CHD7: variants seen among roughly 807,000 people sequenced by gnomAD.
CHD7 encodes ATP-dependent chromatin remodeler CHD7.
CHD7 carries 24 observed loss-of-function variants against 307.3 expected under a neutral mutation model. The ratio of observed to expected loss-of-function variants is 0.08; its 90% CI spans 0.06 to 0.11. The LOEUF (loss-of-function observed/expected upper bound fraction) is 0.11, where lower values mean the gene tolerates loss of function less well. Ranked by LOEUF, CHD7 falls within the 10% of genes least tolerant of loss-of-function variation. The probability of loss-of-function intolerance (pLI) is 1.00; values close to 1 mark genes in which losing one functional copy is unlikely to be tolerated. For synonymous variants in CHD7, 1,363 were observed against 1,349.9 expected (o/e 1.01, Z -0.21); for missense variants, 3,106 against 3,727.1 (o/e 0.83, Z 4.34).
intron 1 of CHD7, among the ~76,000 whole-genome samples, chr8:60,717,097 C>T (rs978658780): frequency 1.3e-5 from 2 of 149,014 alleles, no homozygotes; most frequent in Non-Finnish European, 3.0e-5. Flanking sequence ...CAGGTCATTG[C>T]ATCTGGGTAC....
At chr8:60,751,091 G>C (rs894115798) in intron 2 of CHD7, among the ~76,000 whole-genome samples, 7 of 152,262 alleles carry the variant, frequency 4.6e-5, no homozygotes, top group Middle Eastern at 3.4e-3. Context: ...TGTCCTGTGG[G>C]AAAAAATAGC....
At chr8:60,680,049 C>G (rs1010911216) in intron 1 of CHD7, among the ~76,000 whole-genome samples, 1 of 151,684 alleles carries the variant, frequency 6.6e-6, no homozygotes, top group African/African-American at 2.4e-5. Context: ...GGGCCGCCGG[C>G]GGCGGCAGCT....
chr8:60,850,534 T>A lies in CHD7; in HGVS notation c.5446T>A (p.Cys1816Ser), dbSNP rs1563657431. The change falls in exon 26 of 38, where the codon TGC becomes AGC. Residue 1816 changes from cysteine (C) to serine (S), a missense_variant. By Grantham distance (112) the Cys-to-Ser change is moderately radical (BLOSUM62 -1). Coordinates refer to ENST00000423902, the MANE Select transcript of CHD7 (RefSeq NM_017780.4). ...CTCCATGCGAGCTGACCCCGCGCTG[T>A]GCTTTCTGGAACGAGTCGGTATGCC... ...YNSMRADPAL[C>S]FLERVGMPDA... 1.2e-6 allele frequency: 2 copies of A among 1,613,588 alleles called. No homozygotes were observed. Among genetic ancestry groups the A allele is most frequent in the Non-Finnish European group, 1.7e-6 (2 of 1,179,780 alleles).
chr8:60,797,482 A>G (rs1812087011), intron 4 of CHD7, among the ~76,000 whole-genome samples: 1 of 152,212 alleles, frequency 6.6e-6, no homozygotes, highest in Non-Finnish European at 1.5e-5. Flanking sequence ...ATTGTACTGG[A>G]TGGAACCCTT....
chr8:60,741,948 G>A lies in CHD7; in HGVS notation c.516G>A (p.Pro172=), dbSNP rs377332156. 8 of 1,613,520 alleles carry A rather than the reference G, an allele frequency of 5.0e-6. 1 individual carries two copies. The East Asian group carries it at 6.7e-5, about 13-fold the overall frequency. Residue 172 remains proline, a synonymous_variant, in exon 2 of 38, where the codon CCG becomes CCA. Transcript: ENST00000423902. ...AGCCACAGCCGCAGCCACCGCAGCC[G>A]GCTCCGTCGGGGCCCCCTGCACAGG... The part of the protein sequence containing the change: ...QQQPQPQPPQ[P]APSGPPAQGH...
intron 2 of CHD7, among the ~76,000 whole-genome samples, chr8:60,771,140 A>C (rs1274640680): frequency 1.3e-5 from 2 of 152,246 alleles, no homozygotes; most frequent in South Asian, 4.1e-4. Context: ...CAAAGGCTTA[A>C]TGAAGGAAGT....
chr8:60,827,821 G>T (rs1055549365), intron 13 of CHD7, among the ~76,000 whole-genome samples: 3 of 151,704 alleles, frequency 2.0e-5, no homozygotes, highest in Non-Finnish European at 4.4e-5. Context: ...TCCAAATTAA[G>T]TCAGAATATT....
At chr8:60,861,862 C>T (rs542818689) in intron 35 of CHD7, 28 of 187,768 alleles carry the variant, frequency 1.5e-4, no homozygotes, top group Non-Finnish European at 2.5e-4. Context: ...TCTCTGTGTT[C>T]ATTGGAGCCA....
At position 60,698,836 on chromosome 8, in the gene CHD7, G is replaced by A. The variant is rs1375347216; in HGVS notation, c.-175+19754G>A. On this transcript the variant is annotated intron_variant, in intron 1 of 37. Transcript: ENST00000423902. Reference sequence around the variant, plus strand: ...GGGTCTTGGTCTGTCACCCAGGCTGGAGTGCAGTGGCACAGTCACAGTTCA... The same window carrying A: ...GGGTCTTGGTCTGTCACCCAGGCTGAAGTGCAGTGGCACAGTCACAGTTCA... Among the ~76,000 whole-genome samples, 3 of 152,056 alleles carry A rather than the reference G, an allele frequency of 2.0e-5. No homozygotes were observed. In the South Asian group the frequency reaches 6.2e-4, roughly 32 times the overall value.
intron 1 of CHD7, among the ~76,000 whole-genome samples, chr8:60,694,997 G>T (rs1251168347): frequency 1.3e-5 from 2 of 152,216 alleles, no homozygotes; most frequent in African/African-American, 4.8e-5. Context: ...CAACCAGGAG[G>T]TGGTAGAGCT....
At chr8:60,858,248 T>G (rs1482255187) in intron 34 of CHD7, among the ~76,000 whole-genome samples, 1 of 151,172 alleles carries the variant, frequency 6.6e-6, no homozygotes, top group African/African-American at 2.5e-5. Flanking sequence ...AGAGTGAGAC[T>G]CTGTCTCAAA....
intron 3 of CHD7, among the ~76,000 whole-genome samples, chr8:60,784,821 CA>C: frequency 1.3e-5 from 2 of 152,228 alleles, no homozygotes; most frequent in South Asian, 4.1e-4. Flanking sequence ...TGTTCAGCAT[CA>C]CAGAAAAAGA....
rs1806166707 is a variant in CHD7 at position 60,864,842 on chromosome 8, CATA to C, written c.8077-166_8077-164del. 5.9e-6 allele frequency: 4 copies of C among 676,780 alleles called. No homozygotes were observed. In the Admixed American group the frequency reaches 1.2e-4, roughly 20 times the overall value. 41.9% of individuals were successfully genotyped at this position (676,780 alleles called of 1,614,324 possible). A position where few individuals can be genotyped will look rare whatever the true frequency, so the allele number is the denominator to read the frequency against. ...ATTTTTCTGCAGTTCAGCAAGCTAA[CATA>C]ATAATAAAAACAAGTTTTGCTGTCA... On this transcript the variant is annotated intron_variant, in intron 37 of 37. Transcript: ENST00000423902.
At chr8:60,706,684 A>T (rs1807036866) in intron 1 of CHD7, among the ~76,000 whole-genome samples, 1 of 152,178 alleles carries the variant, frequency 6.6e-6, no homozygotes, top group South Asian at 2.1e-4. Context: ...TGATTTGGTG[A>T]TTTAAGAAGT....
intron 1 of CHD7, among the ~76,000 whole-genome samples, chr8:60,687,942 G>A (rs574373558): frequency 2.6e-5 from 4 of 152,196 alleles, no homozygotes; most frequent in African/African-American, 4.8e-5. Context: ...CATTGTTGCC[G>A]TCTTAATAGA....
intron 32 of CHD7, among the ~76,000 whole-genome samples, chr8:60,854,856 A>AT (rs1264768990): frequency 6.6e-6 from 1 of 152,150 alleles, no homozygotes; most frequent in Non-Finnish European, 1.5e-5. Context: ...GTGTTTTAAA[A>AT]TTTTTTTGTG....
At chr8:60,795,238 T>C in intron 4 of CHD7, 111 bp downstream of exon 4, 2 of 1,029,034 alleles carry the variant, frequency 1.9e-6, no homozygotes, top group Non-Finnish European at 2.8e-6. Context: ...GCTCTTGAGA[T>C]GTCTTTATTG....
intron 2 of CHD7, among the ~76,000 whole-genome samples, chr8:60,762,185 C>G (rs1245888577): frequency 6.6e-6 from 1 of 152,156 alleles, no homozygotes; most frequent in East Asian, 1.9e-4. Context: ...AACAAAAGCC[C>G]CATCTTCCTC....
intron 2 of CHD7, among the ~76,000 whole-genome samples, chr8:60,779,174 C>T (rs1811087351): frequency 6.6e-6 from 1 of 152,214 alleles, no homozygotes; most frequent in African/African-American, 2.4e-5. Context: ...AATCACCTAA[C>T]CCAAAACCTT....
Sources: gnomAD v4.1 joint callset for allele counts (sites outside exome capture counted in the v4.1 genomes callset) on GRCh38, gnomAD v4.1.1 for gene constraint, MANE v1.5 for transcripts, NCBI Gene and HGNC (gene_info 2026-07-23, HGNC 2026-07-21) for gene names.